GAREM1: variants seen among roughly 807,000 people sequenced by gnomAD.
GAREM1 encodes GRB2 associated regulator of MAPK1 subtype 1.
In GAREM1, 26 loss-of-function variants were observed where a neutral mutation model predicts 71.3. That is an observed-to-expected ratio of 0.36 (90% CI 0.27 to 0.51). GAREM1 has a LOEUF of 0.51. Among genes scored for constraint, GAREM1 ranks in the 20% least tolerant of loss-of-function variants. GAREM1 has a pLI of 0.95. For missense variants in GAREM1, 1,026 were observed against 1,103.1 expected (o/e 0.93, Z 0.99); for synonymous variants, 440 against 433.2 (o/e 1.02, Z -0.20).
intron 1 of GAREM1, among the ~76,000 whole-genome samples, chr18:32,422,882 T>C (rs1412588656): frequency 1.3e-5 from 2 of 152,192 alleles, no homozygotes; most frequent in Non-Finnish European, 2.9e-5. Flanking sequence ...CCTTTTATAA[T>C]TGAGGAAATA....
At position 32,287,140 on chromosome 18, in the gene GAREM1, C is replaced by A. The variant is rs375712135; in HGVS notation, c.1457G>T (p.Arg486Leu). Residue 486 changes from arginine (R) to leucine (L), a missense_variant, in exon 4 of 6, where the codon CGA (arginine) becomes CTA (leucine). Physicochemically the swap from Arg to Leu is moderately radical, Grantham distance 102. Transcript: ENST00000269209. The surrounding 1 kb of genome is among the most constrained non-coding windows in gnomAD (Gnocchi z 5.9). ...AAGAGGAGAAGTCGCACATTTGGATCGGACAGAACCTCTAAACTGATCACA... is the reference window on the plus strand; with the variant it reads ...AAGAGGAGAAGTCGCACATTTGGATAGGACAGAACCTCTAAACTGATCACA... Reference protein sequence around the residue: ...NRCDQFRGSVRSKCATSPLPI... With the variant: ...NRCDQFRGSVLSKCATSPLPI... 1.9e-6 allele frequency: 3 copies of A among 1,614,214 alleles called. No individual in the cohort carries two copies. Among genetic ancestry groups the A allele is most frequent in the African/African-American group, 1.3e-5 (1 of 75,056 alleles).
chr18:32,470,777 G>A lies in GAREM1; in HGVS notation c.-349C>T, dbSNP rs550061157. On this transcript the variant is annotated 5_prime_UTR_variant, in exon 1 of 6. Coordinates refer to ENST00000269209, the MANE Select transcript of GAREM1 (RefSeq NM_001242409.2). This position sits in a 1 kb window ranked among gnomAD's most constrained non-coding sequence, Gnocchi z 4.4. ...CCCTGGGTCTGCAGCTGCGGCGGCC[G>A]CCCGCTCGCCTCCTCCTCCTCTTAC... 3.1e-4 allele frequency among the ~76,000 whole-genome samples: 46 copies of A among 149,952 alleles called. No individual in the cohort carries two copies. In the South Asian group the frequency reaches 8.9e-3, roughly 29 times the overall value.
At chr18:32,335,830 C>T (rs191024446) in intron 2 of GAREM1, among the ~76,000 whole-genome samples, 2 of 152,158 alleles carry the variant, frequency 1.3e-5, no homozygotes, top group Admixed American at 6.6e-5. Flanking sequence ...TCAGGAAATG[C>T]TTTCTGGGTT....
chr18:32,291,951 T>C (rs988665657), intron 3 of GAREM1, among the ~76,000 whole-genome samples: 7 of 152,226 alleles, frequency 4.6e-5, no homozygotes, highest in African/African-American at 1.7e-4. Flanking sequence ...GCAATAAATA[T>C]ACATGTGCAT....
At chr18:32,443,217 T>A (rs2048756340) in intron 1 of GAREM1, among the ~76,000 whole-genome samples, 1 of 152,184 alleles carries the variant, frequency 6.6e-6, no homozygotes, top group African/African-American at 2.4e-5. Context: ...AGTAAATCTT[T>A]GTGACCTTGG....
At chr18:32,390,241 T>TA (rs397962259) in intron 2 of GAREM1, among the ~76,000 whole-genome samples, 4 of 152,000 alleles carry the variant, frequency 2.6e-5, no homozygotes, top group African/African-American at 7.3e-5. Flanking sequence ...AAATTTTTTT[T>TA]AAAAAAACTA....
chr18:32,351,169 A>AT (rs548531877), intron 2 of GAREM1, among the ~76,000 whole-genome samples: 165 of 152,236 alleles, frequency 1.1e-3, no homozygotes, highest in African/African-American at 3.3e-3. Flanking sequence ...TTAGGAAGTA[A>AT]TTTTCATTCA....
At chr18:32,403,978 G>T (rs2144674992) in intron 1 of GAREM1, among the ~76,000 whole-genome samples, 1 of 152,278 alleles carries the variant, frequency 6.6e-6, no homozygotes, top group South Asian at 2.1e-4. Flanking sequence ...GAGAAACATG[G>T]TTGTAGGGGA....
intron 2 of GAREM1, among the ~76,000 whole-genome samples, chr18:32,371,427 T>C (rs1013526940): frequency 3.9e-5 from 6 of 152,102 alleles, no homozygotes; most frequent in Non-Finnish European, 4.4e-5. Context: ...AAGTGAAAAA[T>C]GAAAAGAGTT....
intron 1 of GAREM1, among the ~76,000 whole-genome samples, chr18:32,440,823 G>A (rs2048728897): frequency 6.6e-6 from 1 of 152,204 alleles, no homozygotes; most frequent in South Asian, 2.1e-4. Context: ...GCGTGGAAAA[G>A]CAACGCAGAA....
chr18:32,301,639 C>T (rs1180179406), intron 3 of GAREM1, among the ~76,000 whole-genome samples: 1 of 152,206 alleles, frequency 6.6e-6, no homozygotes, highest in Non-Finnish European at 1.5e-5. Flanking sequence ...CAGAACTAAT[C>T]GTGTTTCAAT....
chr18:32,287,303 C>A lies in GAREM1; in HGVS notation c.1294G>T (p.Asp432Tyr), dbSNP rs535391600. 1 of 1,614,154 alleles carries A rather than the reference C, an allele frequency of 6.2e-7. No individual in the cohort carries two copies. The highest frequency in any genetic ancestry group is 1.7e-5 in the Admixed American group (1 of 60,030). The change falls in exon 4 of 6, where the codon GAC becomes TAC. Residue 432 changes from aspartate to tyrosine, a missense_variant. Transcript: ENST00000269209. This position sits in a 1 kb window ranked among gnomAD's most constrained non-coding sequence, Gnocchi z 5.9. ...PYQDSGDSGS[D>Y]YLFPEASEES... ...TCACTAGCTTCTGGGAAAAGGTAGT[C>A]GCTCCCACTATCTCCAGAGTCCTGA...
At position 32,285,126 on chromosome 18, in the gene GAREM1, C is replaced by T. The variant is rs113562149; in HGVS notation, c.1566+1905G>A. On this transcript the variant is annotated intron_variant, in intron 4 of 5. Coordinates refer to ENST00000269209, the MANE Select transcript of GAREM1 (RefSeq NM_001242409.2). ...ACATAAACCCAAGGGCCAAGGACCC[C>T]GGCTCCACCATTAAGTTCCCCAAAT... Among the ~76,000 whole-genome samples the T allele has an allele frequency of 5.9e-5, 9 of 152,236 alleles. No individual in the cohort carries two copies. In the South Asian group the frequency reaches 6.2e-4, roughly 11 times the overall value.
Position 32,470,529 on chromosome 18 carries a change from G to A in GAREM1, c.-101C>T. ...CTCGCGCTCGCGGTCTGGGGCGCGC[G>A]GGAGGCGCCGGGCAGCTCCGGCCGC... On this transcript the variant is annotated 5_prime_UTR_variant, in exon 1 of 6. Transcript: ENST00000269209. This position sits in a 1 kb window ranked among gnomAD's most constrained non-coding sequence, Gnocchi z 4.4. The A allele has an allele frequency of 1.2e-6, 1 of 857,712 alleles. No homozygotes were observed. Among genetic ancestry groups the A allele is most frequent in the Non-Finnish European group, 1.4e-6 (1 of 712,212 alleles). 53.1% of individuals were successfully genotyped at this position (857,712 alleles called of 1,614,324 possible). A position where few individuals can be genotyped will look rare whatever the true frequency, so the allele number is the denominator to read the frequency against.
In GAREM1 at chr18:32,310,223, G is replaced by A. The variant is rs746167816; in HGVS notation, c.363C>T (p.Tyr121=). The change falls in exon 3 of 6, where the codon TAC becomes TAT. Residue 121 remains tyrosine (Y), a synonymous_variant. Coordinates refer to ENST00000269209, the MANE Select transcript of GAREM1 (RefSeq NM_001242409.2). ...EVAKAFPERV[Y]VMEDITFNVK... is the part of the protein sequence containing the mutation. ...CGTTGAATGTGATATCCTCCATGAC[G>A]TACACGCGTTCAGGAAATGCCTTAG... 7.4e-6 allele frequency: 12 copies of A among 1,613,888 alleles called. No individual in the cohort carries two copies. Among genetic ancestry groups the A allele is most frequent in the Admixed American group, 6.7e-5 (4 of 59,986 alleles).
chr18:32,360,984 TCTC>T (rs1171714091), intron 2 of GAREM1, among the ~76,000 whole-genome samples: 1 of 152,146 alleles, frequency 6.6e-6, no homozygotes, highest in Non-Finnish European at 1.5e-5. Flanking sequence ...GTCAAAATAT[TCTC>T]CTACTTAATA....
intron 1 of GAREM1, among the ~76,000 whole-genome samples, chr18:32,408,882 G>A (rs1347069594): frequency 6.6e-6 from 1 of 152,142 alleles, no homozygotes; most frequent in African/African-American, 2.4e-5. Context: ...ATTAAGTTAA[G>A]CTATGTATCT....
chr18:32,375,775 T>C (rs1165814333), intron 2 of GAREM1, among the ~76,000 whole-genome samples: 1 of 152,084 alleles, frequency 6.6e-6, no homozygotes, highest in Non-Finnish European at 1.5e-5. Flanking sequence ...ACATCTACTT[T>C]ATATGGAATA....
rs566379367 is a variant in GAREM1 at position 32,457,226 on chromosome 18, A to AGTGTGT, written c.121+13076_121+13081dup. Among the ~76,000 whole-genome samples the AGTGTGT allele has an allele frequency of 4.0e-3, 326 of 81,942 alleles. 3 individuals are homozygous for AGTGTGT. The highest frequency in any genetic ancestry group is 7.5e-3 in the African/African-American group (180 of 23,976). The allele number at this position is 81,942 out of a possible 152,430, so 53.8% of individuals were successfully genotyped here. A position where few individuals can be genotyped will look rare whatever the true frequency, so the allele number is the denominator to read the frequency against. On this transcript the variant is annotated intron_variant, in intron 1 of 5. Coordinates refer to ENST00000269209, the MANE Select transcript of GAREM1 (RefSeq NM_001242409.2). Reference sequence around the variant, plus strand: ...GGGGGGGAGAGAGAGAGAGAGAGAGAGTGTGTGTGTGTGTGTGTGTGTGTG... The same window carrying AGTGTGT: ...GGGGGGGAGAGAGAGAGAGAGAGAGAGTGTGTGTGTGTGTGTGTGTGTGTGTGTGTG...
Sources: gnomAD v4.1 joint callset for allele counts (sites outside exome capture counted in the v4.1 genomes callset) on GRCh38, gnomAD v4.1.1 for gene constraint, Gnocchi (gnomAD v3.1) non-coding constraint, MANE v1.5 for transcripts, NCBI Gene and HGNC (gene_info 2026-07-23, HGNC 2026-07-21) for gene names.